RPP30: variants seen among roughly 807,000 people sequenced by gnomAD.
RPP30 encodes the protein ribonuclease P protein subunit p30.
RPP30 carries 36 observed loss-of-function variants against 38.6 expected under a neutral mutation model. The observed-to-expected ratio is 0.93, with a 90% CI of 0.71 to 1.23. The LOEUF is 1.23. Among genes scored for constraint, RPP30 ranks in the 50% most tolerant of loss-of-function variants. RPP30 has a pLI of 0.00. For synonymous variants in RPP30, 126 were observed against 112.7 expected (o/e 1.12, Z -0.75); for missense variants, 321 against 321.7 (o/e 1.00, Z 0.02).
rs889298313 is a variant in RPP30 at position 90,881,714 on chromosome 10, G to A, written c.342+2580G>A. On this transcript the variant is annotated intron_variant, in intron 5 of 10. Coordinates refer to ENST00000371703, the MANE Select transcript of RPP30 (RefSeq NM_006413.5). The stretch of plus-strand genomic sequence containing the variant: ...TAGGTATATCATGGTTTGGAATCAG[G>A]TCAAATGCAAGCAGTTTGTGTCTTA... Among the ~76,000 whole-genome samples, 3 of 152,090 alleles carry A rather than the reference G, an allele frequency of 2.0e-5. No individual in the cohort carries two copies. In the South Asian group the frequency reaches 6.2e-4, roughly 32 times the overall value.
intron 6 of RPP30, among the ~76,000 whole-genome samples, chr10:90,889,279 T>G (rs1847042055): frequency 6.6e-6 from 1 of 151,136 alleles, no homozygotes; most frequent in East Asian, 1.9e-4. Flanking sequence ...AGATTGGCTT[T>G]AAAAGGATCA....
At chr10:90,898,952 G>C (rs977490704) in intron 10 of RPP30, among the ~76,000 whole-genome samples, 2 of 152,144 alleles carry the variant, frequency 1.3e-5, no homozygotes, top group Non-Finnish European at 2.9e-5. Context: ...TTCACTCGTA[G>C]ATAATCCTTT....
intron 6 of RPP30, among the ~76,000 whole-genome samples, chr10:90,892,789 T>G (rs1482053111): frequency 6.6e-6 from 1 of 152,230 alleles, no homozygotes; most frequent in Non-Finnish European, 1.5e-5. Flanking sequence ...TTTACTTATC[T>G]GTGGTTTTTG....
chr10:90,894,772 A>G lies in RPP30; in HGVS notation c.433-3A>G, dbSNP rs1847120237. ...CTGACAGTTCTCTTTATTTCCTGTG[A>G]AGGCGATTGACCGAGGCCTGGCTTT... On this transcript the variant is annotated splice_polypyrimidine_tract_variant and splice_region_variant and intron_variant, in intron 6 of 10. Coordinates refer to ENST00000371703, the MANE Select transcript of RPP30 (RefSeq NM_006413.5). The G allele has an allele frequency of 6.2e-7, 1 of 1,605,218 alleles. No homozygotes were observed. The highest frequency in any genetic ancestry group is 2.2e-5 in the East Asian group (1 of 44,828).
intron 6 of RPP30, among the ~76,000 whole-genome samples, chr10:90,890,954 A>T (rs1293892439): frequency 6.6e-6 from 1 of 152,194 alleles, no homozygotes; most frequent in Non-Finnish European, 1.5e-5. Context: ...TTCACATTAA[A>T]ATCACCTGTG....
downstream of RPP30, chr10:90,902,481 A>C (rs928637996): frequency 5.5e-6 from 1 of 182,192 alleles, no homozygotes; most frequent in South Asian, 7.8e-5. Flanking sequence ...CAGCATCCCA[A>C]AGTGCTGGGA....
intron 6 of RPP30, among the ~76,000 whole-genome samples, chr10:90,893,653 C>T (rs140732306): frequency 6.6e-6 from 1 of 152,314 alleles, no homozygotes; most frequent in East Asian, 1.9e-4. Flanking sequence ...TGCCATGCTG[C>T]AACCTTGAAG....
chr10:90,881,638 GT>G (rs1564711562), intron 5 of RPP30, among the ~76,000 whole-genome samples: 1 of 152,080 alleles, frequency 6.6e-6, no homozygotes, highest in African/African-American at 2.4e-5. Context: ...AGTTCTCCTT[GT>G]TTTCTATAGG....
At chr10:90,903,074 C>A, downstream of RPP30, 1 of 682,406 alleles carries the variant, frequency 1.5e-6, no homozygotes, top group Admixed American at 2.7e-5. Flanking sequence ...GGAAAAGAGT[C>A]ATTACAAAGA....
At chr10:90,905,036 G>A (rs1265855614), downstream of RPP30, among the ~76,000 whole-genome samples, 1 of 152,094 alleles carries the variant, frequency 6.6e-6, no homozygotes, top group Admixed American at 6.5e-5. Context: ...ATCTTGGATT[G>A]CAATAGACCT....
chr10:90,894,743 A>C, intron 6 of RPP30, 32 bp from the exon 7 acceptor site: 2 of 1,487,370 alleles, frequency 1.3e-6, no homozygotes, highest in South Asian at 1.1e-5. Context: ...GTGCATGCTT[A>C]TCTCTGACAG....
intron 4 of RPP30, among the ~76,000 whole-genome samples, chr10:90,877,629 A>C (rs891058593): frequency 2.6e-5 from 4 of 152,180 alleles, no homozygotes; most frequent in African/African-American, 9.6e-5. Flanking sequence ...GCAAAAAAAA[A>C]AAAAGTCTGT....
At chr10:90,876,361 G>T (rs1846852301) in intron 4 of RPP30, among the ~76,000 whole-genome samples, 1 of 152,160 alleles carries the variant, frequency 6.6e-6, no homozygotes, top group South Asian at 2.1e-4. Flanking sequence ...CAGACTTAAG[G>T]TGGGTGCTGG....
At chr10:90,898,867 C>T (rs1297872080) in intron 10 of RPP30, among the ~76,000 whole-genome samples, 1 of 152,182 alleles carries the variant, frequency 6.6e-6, no homozygotes, top group Non-Finnish European at 1.5e-5. Context: ...TGATAAAGTT[C>T]ATGCCCTCAA....
chr10:90,892,143 A>G (rs1847088618), intron 6 of RPP30, among the ~76,000 whole-genome samples: 1 of 152,190 alleles, frequency 6.6e-6, no homozygotes, highest in Admixed American at 6.5e-5. Flanking sequence ...AAGAAATGTG[A>G]TCATCCACCC....
chr10:90,872,006 T>A lies in RPP30; in HGVS notation c.20T>A (p.Leu7Ter), dbSNP rs1354806374. 1 of 1,614,000 alleles carries A rather than the reference T, an allele frequency of 6.2e-7. No individual in the cohort carries two copies. Among genetic ancestry groups the A allele is most frequent in the Non-Finnish European group, 8.5e-7 (1 of 1,179,996 alleles). Residue 7 changes from leucine (L) to a stop codon, truncating the protein, a stop_gained, in exon 1 of 11, where the codon TTG (leucine) becomes TAG (stop). Coordinates refer to ENST00000371703, the MANE Select transcript of RPP30 (RefSeq NM_006413.5). LOFTEE classifies it high-confidence loss of function. MAVFAD[L>*]DLRAGSDLKA... is the part of the protein sequence containing the mutation. ...TTCAGCATGGCGGTGTTTGCAGATTTGGACCTGCGAGCGGGTTCTGACCTG... is the reference window on the plus strand; with the variant it reads ...TTCAGCATGGCGGTGTTTGCAGATTAGGACCTGCGAGCGGGTTCTGACCTG...
At chr10:90,896,956 T>C (rs1372611086) in intron 10 of RPP30, among the ~76,000 whole-genome samples, 2 of 152,130 alleles carry the variant, frequency 1.3e-5, no homozygotes, top group African/African-American at 4.8e-5. Flanking sequence ...AGTCTCACTA[T>C]GTTGCCCAGG....
intron 5 of RPP30, among the ~76,000 whole-genome samples, chr10:90,881,656 A>G (rs901921463): frequency 6.6e-6 from 1 of 152,218 alleles, no homozygotes; most frequent in African/African-American, 2.4e-5. Flanking sequence ...TAGGAAATCA[A>G]TTTTAAAAGA....
intron 7 of RPP30, 42 bp downstream of exon 7, chr10:90,894,933 TTTA>T: frequency 7.6e-7 from 1 of 1,309,682 alleles, no homozygotes; most frequent in Non-Finnish European, 1.1e-6. Flanking sequence ...CATCTGGCAG[TTTA>T]TTATTAGTAG....
Sources: gnomAD v4.1 joint callset for allele counts (sites outside exome capture counted in the v4.1 genomes callset) on GRCh38, gnomAD v4.1.1 for gene constraint, MANE v1.5 for transcripts, NCBI Gene and HGNC (gene_info 2026-07-23, HGNC 2026-07-21) for gene names.